Variants in ZNF185 observed in about 807,000 individuals in gnomAD.
ZNF185 encodes zinc finger protein 185.
In ZNF185, 56 loss-of-function variants were observed where a neutral mutation model predicts 58.6. The observed-to-expected ratio is 0.95, with a 90% CI of 0.77 to 1.19. The LOEUF is 1.19. Among genes scored for constraint, ZNF185 ranks in the 50% most tolerant of loss-of-function variants. The probability of loss-of-function intolerance (pLI) is 0.00; values close to 1 mark genes in which losing one functional copy is unlikely to be tolerated. For missense variants in ZNF185, 627 were observed against 573.5 expected, an observed-to-expected ratio of 1.09 and a Z score of -0.95; for synonymous variants, 230 against 215.9, an observed-to-expected ratio of 1.07 and a Z score of -0.57.
chrX:152,926,492 C>T (rs1205865253), intron 11 of ZNF185, among the ~76,000 whole-genome samples: 2 of 112,931 alleles, frequency 1.8e-5, no homozygotes, highest in Non-Finnish European at 3.7e-5. Flanking sequence ...CCCCACATCC[C>T]CGCCTCCTCG....
intron 15 of ZNF185, chrX:152,941,624 G>C (rs931913134): frequency 4.8e-5 from 55 of 1,137,984 alleles, no homozygotes; most frequent in Middle Eastern, 2.4e-4. Flanking sequence ...CCCGTAGTGA[G>C]TACGCCTGCG....
intron 20 of ZNF185, among the ~76,000 whole-genome samples, chrX:152,968,137 C>A (rs891364057): frequency 8.9e-6 from 1 of 112,179 alleles, no homozygotes; most frequent in Admixed American, 9.4e-5. Flanking sequence ...CATATGGGGC[C>A]AGGGAATCTC....
chrX:152,898,125 GCGCCTGC>G, the ZNF185 span, among the ~76,000 whole-genome samples: 1 of 109,223 alleles, frequency 9.2e-6, no homozygotes, highest in African/African-American at 3.3e-5. Context: ...CCCGCGCCCC[GCGCCTGC>G]CTCCCCGGCC....
At chrX:152,914,589 AC>A in intron 1 of ZNF185, 66 bp downstream of exon 2, 5 of 1,151,446 alleles carry the variant, frequency 4.3e-6, no homozygotes, top group Non-Finnish European at 5.8e-6. Flanking sequence ...GCCTGCCCCT[AC>A]AGGCCACAAG....
chrX:152,960,275 TAAC>T (rs1300521019), intron 17 of ZNF185, among the ~76,000 whole-genome samples: 4 of 112,192 alleles, frequency 3.6e-5, no homozygotes, highest in African/African-American at 1.3e-4. Flanking sequence ...CTGCCAGAAA[TAAC>T]AACTGTACCA....
chrX:152,932,923 C>T, exon 14 of ZNF185: 1 of 1,206,186 alleles, frequency 8.3e-7, no homozygotes, highest in East Asian at 3.0e-5. Flanking sequence ...GCCACGGGCT[C>T]CCGGCCTGAA....
chrX:152,938,414 C>G, intron 15 of ZNF185, among the ~76,000 whole-genome samples: 1 of 112,599 alleles, frequency 8.9e-6, no homozygotes, highest in Non-Finnish European at 1.9e-5. Flanking sequence ...ACCACTCTGA[C>G]AGCAACTGCC....
chrX:152,913,518 G>T (rs916922651), upstream of ZNF185, among the ~76,000 whole-genome samples: 8 of 112,881 alleles, frequency 7.1e-5, no homozygotes, highest in Admixed American at 2.8e-4. Flanking sequence ...ACCGGGCTCA[G>T]GGGTAGAGCA....
the ZNF185 span, among the ~76,000 whole-genome samples, chrX:152,901,578 C>A: frequency 1.8e-5 from 2 of 111,384 alleles, no homozygotes; most frequent in Non-Finnish European, 3.8e-5. Flanking sequence ...TCACTTGTAG[C>A]CTTTGGATGG....
chrX:152,914,393 C>A (rs1347454949), upstream of ZNF185: 3 of 829,306 alleles, frequency 3.6e-6, no homozygotes, highest in South Asian at 2.5e-5. Context: ...TGGTCACCTG[C>A]AAGACACTAC....
At chrX:152,920,496 G>A in intron 8 of ZNF185, 85 bp downstream of exon 9, 1 of 1,025,995 alleles carries the variant, frequency 9.7e-7, no homozygotes, top group Admixed American at 2.5e-5. Context: ...TGAAAGGGTG[G>A]GTGGAGAGAT....
chrX:152,939,669 C>G (rs186623723), intron 15 of ZNF185, among the ~76,000 whole-genome samples: 10 of 110,739 alleles, frequency 9.0e-5, no homozygotes, highest in African/African-American at 2.6e-4. Context: ...TTGAGGGACT[C>G]ACTCCTGTAA....
At position 152,964,086 on chromosome X, in the gene ZNF185, C is replaced by T. The variant is rs782652867; in HGVS notation, c.1718+137C>T. 1.2e-4 allele frequency: 68 copies of T among 544,876 alleles called. No individual in the cohort carries two copies. In the South Asian group the frequency reaches 1.3e-3, roughly 11 times the overall value. The allele number at this position is 544,876 out of a possible 1,213,427, so 44.9% of individuals were successfully genotyped here. On this transcript the variant is annotated intron_variant, in intron 18 of 22. Coordinates refer to ENST00000449285, the Ensembl canonical transcript of ZNF185. ...TTCTAGCAGGCCATTAGCCAAGGGG[C>T]CACACAGGACAGTGTTAGTCCCCTA...
rs782036509 is a variant in ZNF185 at position 152,915,124 on chromosome X, C to A, written c.159-14C>A. The A allele has an allele frequency of 8.3e-7, 1 of 1,208,370 alleles. No homozygotes were observed. On this transcript the variant is annotated splice_polypyrimidine_tract_variant and intron_variant, in intron 2 of 22. Transcript: ENST00000449285. ...GTCTCGGAGCCAATCCTTCAGGATG[C>A]CTCTTTCCCCCAGAGAGCTGCCCTC... is the stretch of plus-strand genomic sequence containing the variant.
At chrX:152,907,973 G>C in the ZNF185 span, among the ~76,000 whole-genome samples, 1 of 112,777 alleles carries the variant, frequency 8.9e-6, no homozygotes, top group Non-Finnish European at 1.9e-5. Context: ...GCCCACACAG[G>C]CCATCAAGAC....
At chrX:152,957,846 A>T (rs930420433) in intron 16 of ZNF185, among the ~76,000 whole-genome samples, 4 of 112,573 alleles carry the variant, frequency 3.6e-5, no homozygotes, top group African/African-American at 1.3e-4. Flanking sequence ...TTTTTGCATT[A>T]ATTAAAATTT....
chrX:152,914,068 C>A (rs781949835), upstream of ZNF185, among the ~76,000 whole-genome samples: 6 of 111,046 alleles, frequency 5.4e-5, no homozygotes, highest in South Asian at 2.3e-3. Context: ...CACTCTCTCC[C>A]ACCCTCTGAG....
chrX:152,925,035 G>A (rs7060084), intron 11 of ZNF185, among the ~76,000 whole-genome samples: 3,180 of 112,123 alleles, frequency 0.028, 53 homozygotes, highest in South Asian at 0.16. Flanking sequence ...GCTCATGCCC[G>A]TAATCCCAGC....
chrX:152,954,522 C>T (rs1556902957), intron 16 of ZNF185, among the ~76,000 whole-genome samples: 1 of 112,386 alleles, frequency 8.9e-6, no homozygotes, highest in Admixed American at 9.4e-5. Context: ...GAGCAGCAGG[C>T]TCACCTATAT....
Sources: allele counts gnomAD v4.1 joint callset (sites outside exome capture counted in the v4.1 genomes callset), GRCh38; gene constraint gnomAD v4.1.1; transcripts MANE v1.5; gene names NCBI Gene and HGNC (gene_info 2026-07-23, HGNC 2026-07-21).